MYCBP2: variants seen among roughly 807,000 people sequenced by gnomAD.
MYCBP2 encodes E3 ubiquitin-protein ligase MYCBP2.
A neutral mutation model predicts 525.3 loss-of-function variants in MYCBP2; 120 were observed. That is an observed-to-expected ratio of 0.23 (90% CI 0.20 to 0.27). MYCBP2 has a LOEUF of 0.27. Among genes scored for constraint, MYCBP2 ranks in the 10% least tolerant of loss-of-function variants. The pLI is 1.00. For synonymous variants in MYCBP2, 1,894 were observed against 1,955.8 expected, an observed-to-expected ratio of 0.97 and a Z score of 0.83; for missense variants, 4,149 against 5,657.1, an observed-to-expected ratio of 0.73 and a Z score of 8.55.
At position 77,064,669 on chromosome 13, in the gene MYCBP2, C is replaced by A; in HGVS notation, c.12618G>T (p.Leu4206Phe). 6.2e-7 allele frequency: 1 copy of A among 1,613,760 alleles called. No individual in the cohort carries two copies. The highest frequency in any genetic ancestry group is 1.1e-5 in the South Asian group (1 of 91,044). ...KNAIAETIIALTKMEEEFRSP... is the reference protein window; with the variant it reads ...KNAIAETIIAFTKMEEEFRSP... ...ACCTAAATTCTTCTTCCATCTTGGT[C>A]AAGGCAATGATGGTTTCTGCAATAG... is the stretch of plus-strand genomic sequence containing the variant. The change falls in exon 73 of 83, where the codon TTG (leucine) becomes TTT (phenylalanine). Residue 4206 changes from leucine (L) to phenylalanine (F), a missense_variant. Leu to Phe is a conservative substitution (Grantham distance 22, BLOSUM62 0). Coordinates refer to ENST00000544440, the MANE Select transcript of MYCBP2 (RefSeq NM_015057.5).
chr13:77,277,307 C>A (rs946815574), intron 4 of MYCBP2, among the ~76,000 whole-genome samples: 1 of 152,176 alleles, frequency 6.6e-6, no homozygotes, highest in African/African-American at 2.4e-5. Flanking sequence ...CAGCACTTCA[C>A]AATATTAATA....
intron 1 of MYCBP2, among the ~76,000 whole-genome samples, chr13:77,318,287 C>T (rs2154380831): frequency 6.6e-6 from 1 of 152,300 alleles, no homozygotes; most frequent in Middle Eastern, 3.4e-3. Context: ...GGCCCATGCA[C>T]AGCCATCATC....
chr13:77,163,867 C>A (rs1173643425), intron 43 of MYCBP2, among the ~76,000 whole-genome samples: 4 of 152,126 alleles, frequency 2.6e-5, no homozygotes, highest in Non-Finnish European at 4.4e-5. Flanking sequence ...CCAGGAGCAT[C>A]CCCTCTCCTG....
intron 76 of MYCBP2, among the ~76,000 whole-genome samples, chr13:77,060,682 C>CT (rs760671046): frequency 7.9e-5 from 12 of 152,130 alleles, no homozygotes; most frequent in Non-Finnish European, 1.6e-4. Flanking sequence ...TATTTTATTG[C>CT]TATCAATGGA....
At chr13:77,254,753 T>C (rs968459124) in intron 14 of MYCBP2, among the ~76,000 whole-genome samples, 2 of 151,812 alleles carry the variant, frequency 1.3e-5, no homozygotes, top group African/African-American at 4.8e-5. Flanking sequence ...CCACTCTTCC[T>C]CTCCCCCTCC....
At chr13:77,244,062 T>C in intron 15 of MYCBP2, 111 bp from the exon 16 acceptor site, 1 of 1,215,970 alleles carries the variant, frequency 8.2e-7, no homozygotes, top group Non-Finnish European at 1.1e-6. Context: ...GTTAAATGAG[T>C]AAGCAATGAA....
At chr13:77,049,314 A>C (rs1211247007) in intron 82 of MYCBP2, among the ~76,000 whole-genome samples, 1 of 152,218 alleles carries the variant, frequency 6.6e-6, no homozygotes, top group African/African-American at 2.4e-5. Context: ...ACAGTATTTG[A>C]GGAGAAACAG....
At chr13:77,323,941 CCT>C (rs1352022682) in intron 1 of MYCBP2, among the ~76,000 whole-genome samples, 2 of 152,122 alleles carry the variant, frequency 1.3e-5, no homozygotes, top group Admixed American at 6.5e-5. Flanking sequence ...TCTTCCTGTC[CCT>C]GAGATCCCTT....
chr13:77,057,147 G>A (rs2038258214), intron 78 of MYCBP2, 54 bp from the exon 79 acceptor site: 1 of 1,229,252 alleles, frequency 8.1e-7, no homozygotes, highest in Non-Finnish European at 1.2e-6. Flanking sequence ...ATAAACAGTT[G>A]AGTGACTGGG....
chr13:77,066,926 AGTT>A (rs1203116396), intron 71 of MYCBP2, among the ~76,000 whole-genome samples: 1 of 151,952 alleles, frequency 6.6e-6, no homozygotes, highest in Non-Finnish European at 1.5e-5. Context: ...TATTCTTATC[AGTT>A]GTTTGCCTTT....
At position 77,167,023 on chromosome 13, in the gene MYCBP2, A is replaced by ACC. The variant is rs1294258144; in HGVS notation, c.6115-470_6115-469insGG. Among the ~76,000 whole-genome samples the ACC allele has an allele frequency of 2.8e-3, 281 of 98,938 alleles. 1 individual carries two copies. Among genetic ancestry groups the ACC allele is most frequent in the Middle Eastern group, 0.02 (4 of 204 alleles). The allele number at this position is 98,938 out of a possible 152,430, so 64.9% of individuals were successfully genotyped here. ...CACACACACACACACACACACACAC[A>ACC]CACCAAATGAAATAATTTAATGATT... On this transcript the variant is annotated intron_variant, in intron 40 of 82. Transcript: ENST00000544440.
intron 68 of MYCBP2, among the ~76,000 whole-genome samples, chr13:77,074,889 G>A (rs1224216500): frequency 6.6e-6 from 1 of 152,172 alleles, no homozygotes; most frequent in Non-Finnish European, 1.5e-5. Flanking sequence ...GAACATGAGA[G>A]AAATTTGGGG....
At chr13:77,053,137 CA>C (rs79225062) in intron 80 of MYCBP2, among the ~76,000 whole-genome samples, 1,205 of 95,726 alleles carry the variant, frequency 0.013, 6 homozygotes, top group African/African-American at 0.036. Flanking sequence ...GACCCCGTCT[CA>C]AAAAAAAAAA....
intron 17 of MYCBP2, among the ~76,000 whole-genome samples, chr13:77,242,078 C>T (rs868331662): frequency 2.0e-5 from 3 of 152,100 alleles, no homozygotes; most frequent in South Asian, 4.2e-4. Context: ...TTTATCTTTG[C>T]GTATTCAAAT....
intron 20 of MYCBP2, among the ~76,000 whole-genome samples, chr13:77,223,278 T>C (rs2065839886): frequency 6.6e-6 from 1 of 152,194 alleles, no homozygotes; most frequent in Admixed American, 6.6e-5. Flanking sequence ...TCCAAAGGTA[T>C]CCTCAGCTTG....
At chr13:77,246,480 AAAG>A (rs572531832) in intron 15 of MYCBP2, among the ~76,000 whole-genome samples, 4 of 151,816 alleles carry the variant, frequency 2.6e-5, no homozygotes, top group African/African-American at 4.8e-5. Flanking sequence ...AGAAGAGAAG[AAAG>A]AAGAAGAAGG....
chr13:77,197,508 C>T (rs1333406632), intron 26 of MYCBP2, among the ~76,000 whole-genome samples: 1 of 152,104 alleles, frequency 6.6e-6, no homozygotes, highest in African/African-American at 2.4e-5. Context: ...AACATATTTA[C>T]ATGAAAATGC....
At position 77,056,958 on chromosome 13, in the gene MYCBP2, A is replaced by G. The variant is rs184360886; in HGVS notation, c.13437+28T>C. On this transcript the variant is annotated intron_variant, in intron 79 of 82. Transcript: ENST00000544440. ...AAAAGAAAGAACAAAAGAAAAAGAA[A>G]GTACATGATTTCAGATTCTTTCCAT... The G allele has an allele frequency of 8.2e-5, 122 of 1,487,840 alleles. No individual in the cohort carries two copies. In the African/African-American group the frequency reaches 1.6e-3, roughly 19 times the overall value. 92.2% of individuals were successfully genotyped at this position (1,487,840 alleles called of 1,614,324 possible).
At chr13:77,251,111 G>A in intron 15 of MYCBP2, 40 bp downstream of exon 15, 1 of 1,585,646 alleles carries the variant, frequency 6.3e-7, no homozygotes, top group East Asian at 2.2e-5. Flanking sequence ...AAAGAAATGT[G>A]TTCTGCACAT....
Sources: gnomAD v4.1 joint callset for allele counts (sites outside exome capture counted in the v4.1 genomes callset) on GRCh38, gnomAD v4.1.1 for gene constraint, MANE v1.5 for transcripts, NCBI Gene and HGNC (gene_info 2026-07-23, HGNC 2026-07-21) for gene names.